Variants in ZNF541 observed in about 807,000 individuals in gnomAD.
ZNF541 encodes the protein zinc finger protein 541.
A neutral mutation model predicts 123.5 loss-of-function variants in ZNF541; 23 were observed. The ratio of observed to expected loss-of-function variants is 0.19; its 90% CI spans 0.13 to 0.26. The LOEUF is 0.26. Among genes scored for constraint, ZNF541 ranks in the 10% least tolerant of loss-of-function variants. ZNF541 has a pLI of 1.00. For synonymous variants in ZNF541, 751 were observed against 754.5 expected (o/e 1.00, Z 0.08); for missense variants, 1,612 against 1,789.9 (o/e 0.90, Z 1.79).
In ZNF541 at chr19:47,521,639, G is replaced by A. The variant is rs371182783; in HGVS notation, c.3727C>T (p.Arg1243Trp). 726 of 1,551,556 alleles carry A rather than the reference G, an allele frequency of 4.7e-4. No homozygotes were observed. The highest frequency in any genetic ancestry group is 4.5e-3 in the Middle Eastern group (27 of 6,012). ...RTEEKVPCSPRERPSHHPTPK... is the reference protein window; with the variant it reads ...RTEEKVPCSPWERPSHHPTPK... The stretch of plus-strand genomic sequence containing the variant: ...GTTGGATGGTGGCTGGGTCTCTCCC[G>A]AGGGCTGCATGGGACCTGCAGAGGG... Residue 1243 changes from arginine (R) to tryptophan (W), a missense_variant, in exon 16 of 17, where the codon CGG (arginine) becomes TGG (tryptophan). Arg to Trp is a moderately radical substitution (Grantham distance 101). Transcript: ENST00000391901. This position sits in a 1 kb window ranked among gnomAD's most constrained non-coding sequence, Gnocchi z 4.2.
chr19:47,522,010 A>C lies in ZNF541; in HGVS notation c.3571-16T>G, dbSNP rs181209626. The C allele has an allele frequency of 1.9e-6, 3 of 1,551,772 alleles. No individual in the cohort carries two copies. In the Admixed American group the frequency reaches 5.9e-5, roughly 30 times the overall value. On this transcript the variant is annotated splice_polypyrimidine_tract_variant and intron_variant, in intron 14 of 16. Coordinates refer to ENST00000391901, the MANE Select transcript of ZNF541 (RefSeq NM_001277075.3). ...TTGTCTGGATCTAGTGAAAGAAAAC[A>C]AGCAGGCTGTGGCTGTGCCACGCGG...
intron 9 of ZNF541, among the ~76,000 whole-genome samples, chr19:47,535,163 C>T (rs1301740437): frequency 6.6e-6 from 1 of 152,122 alleles, no homozygotes; most frequent in African/African-American, 2.4e-5. Context: ...CCATGTTGGC[C>T]AGGCTGGTCT....
intron 4 of ZNF541, 25 bp from the exon 5 acceptor site, chr19:47,546,005 G>A (rs768588794): frequency 4.9e-5 from 70 of 1,442,448 alleles, no homozygotes; most frequent in African/African-American, 1.4e-5. Flanking sequence ...AAGCAGGGGC[G>A]TCACCGGGGC....
At chr19:47,546,250 GTAATC>G in intron 4 of ZNF541, among the ~76,000 whole-genome samples, 1 of 150,730 alleles carries the variant, frequency 6.6e-6, no homozygotes, top group South Asian at 2.1e-4. Flanking sequence ...GCTCATGCCT[GTAATC>G]CCAGCACTTT....
chr19:47,542,072 G>A (rs551657198), intron 5 of ZNF541, among the ~76,000 whole-genome samples: 7 of 152,284 alleles, frequency 4.6e-5, no homozygotes, highest in Middle Eastern at 3.4e-3. Flanking sequence ...CAGCTCTGCC[G>A]TTTGCCACCC....
At chr19:47,568,064 C>G (rs1971335120) in intron 2 of ZNF541, among the ~76,000 whole-genome samples, 1 of 152,186 alleles carries the variant, frequency 6.6e-6, no homozygotes, top group African/African-American at 2.4e-5. Context: ...AAACTTCTCA[C>G]AGTATCTTGC....
At position 47,545,793 on chromosome 19, in the gene ZNF541, C is replaced by T; in HGVS notation, c.736G>A (p.Ala246Thr). The change falls in exon 5 of 17, where the codon GCC (alanine) becomes ACC (threonine). Residue 246 changes from alanine (A) to threonine (T), a missense_variant. Around this residue, in one of 5 missense-constraint regions of ZNF541, gnomAD observed 1,080 missense variants for 1,013.8 expected, o/e 1.07. Transcript: ENST00000391901. This position sits in a 1 kb window ranked among gnomAD's most constrained non-coding sequence, Gnocchi z 7.5. ...AGGCTGCTGGGGGGCGGCTGGCCGG[C>T]CGACTCGTGGGCGTGGGGGGAGTCC... is the stretch of plus-strand genomic sequence containing the variant. Reference protein sequence around the residue: ...CGDSPHAHESAGQPPPSSLRS... With the variant: ...CGDSPHAHESTGQPPPSSLRS... 6.5e-7 allele frequency: 1 copy of T among 1,542,172 alleles called. No homozygotes were observed. Among genetic ancestry groups the T allele is most frequent in the South Asian group, 1.2e-5 (1 of 83,772 alleles).
chr19:47,558,201 G>C (rs1451021226), intron 2 of ZNF541, among the ~76,000 whole-genome samples: 1 of 152,168 alleles, frequency 6.6e-6, no homozygotes, highest in African/African-American at 2.4e-5. Flanking sequence ...CGGATCATGA[G>C]GTCAGGAGAT....
At chr19:47,531,858 G>A in intron 11 of ZNF541, 113 bp from the exon 12 acceptor site, 2 of 1,023,238 alleles carry the variant, frequency 2.0e-6, no homozygotes, top group Non-Finnish European at 1.4e-6. Flanking sequence ...TCTCTCTCCT[G>A]CATCTCAGGG....
At chr19:47,529,728 A>G in intron 12 of ZNF541, 76 bp from the exon 13 acceptor site, 5 of 1,392,086 alleles carry the variant, frequency 3.6e-6, no homozygotes, top group Non-Finnish European at 5.0e-6. Flanking sequence ...CATTCATCTG[A>G]AAAACACTTG....
chr19:47,559,744 C>T (rs574859149), intron 2 of ZNF541, among the ~76,000 whole-genome samples: 2 of 150,218 alleles, frequency 1.3e-5, no homozygotes, highest in Admixed American at 6.7e-5. Context: ...CAGCTACTTG[C>T]GAGGCTGAGG....
chr19:47,569,767 T>C (rs1181224417), intron 2 of ZNF541, among the ~76,000 whole-genome samples: 2 of 151,876 alleles, frequency 1.3e-5, no homozygotes, highest in African/African-American at 4.8e-5. Flanking sequence ...TGGTCCCAGC[T>C]ACTCGGGAGA....
intron 14 of ZNF541, 78 bp from the exon 15 acceptor site, chr19:47,522,072 C>T: frequency 6.5e-7 from 1 of 1,527,590 alleles, no homozygotes; most frequent in African/African-American, 1.4e-5. Flanking sequence ...GGCCGGCCGC[C>T]TCCTTTGGAA....
intron 13 of ZNF541, among the ~76,000 whole-genome samples, chr19:47,529,351 C>T (rs941993267): frequency 2.6e-5 from 4 of 152,176 alleles, no homozygotes; most frequent in African/African-American, 9.7e-5. Context: ...ATTCCCCTTC[C>T]AGCTGGGCAG....
At chr19:47,528,699 AAC>A (rs1969423547) in intron 14 of ZNF541, among the ~76,000 whole-genome samples, 1 of 152,082 alleles carries the variant, frequency 6.6e-6, no homozygotes, top group Non-Finnish European at 1.5e-5. Flanking sequence ...TGGAATAGGT[AAC>A]AGAGGTTGCC....
rs143758973 is a variant in ZNF541, at chr19:47,570,090, C to T, written c.-99+1806G>A. ...GAGATCGAGACCATCCTGGCTAACA[C>T]GGTGAAATCCTGTCTGTACTAAAAA... On this transcript the variant is annotated intron_variant, in intron 2 of 16. Transcript: ENST00000391901. Among the ~76,000 whole-genome samples the T allele has an allele frequency of 7.0e-3, 1,050 of 149,958 alleles. 7 individuals carry two copies. The highest frequency in any genetic ancestry group is 0.024 in the African/African-American group (994 of 40,698).
Position 47,571,765 on chromosome 19 carries a change from C to A in ZNF541, c.-99+131G>T, listed in dbSNP as rs527529721. 2.6e-5 allele frequency among the ~76,000 whole-genome samples: 4 copies of A among 152,296 alleles called. No homozygotes were observed. In the East Asian group the frequency reaches 7.7e-4, roughly 29 times the overall value. On this transcript the variant is annotated intron_variant, in intron 2 of 16. Coordinates refer to ENST00000391901, the MANE Select transcript of ZNF541 (RefSeq NM_001277075.3). ...AATAGCCCTTTTCCCTGTTTGACTT[C>A]TCCAAAGCAGTAACTTGTATGATTA...
intron 8 of ZNF541, 40 bp from the exon 9 acceptor site, chr19:47,538,479 C>T (rs1969930121): frequency 6.9e-7 from 1 of 1,447,230 alleles, no homozygotes; most frequent in East Asian, 2.5e-5. Context: ...CCTGAAGCCA[C>T]CTACTGCACC....
At chr19:47,534,201 T>C (rs1969711200) in intron 9 of ZNF541, among the ~76,000 whole-genome samples, 1 of 151,906 alleles carries the variant, frequency 6.6e-6, no homozygotes, top group African/African-American at 2.4e-5. Flanking sequence ...AAGAAAATAA[T>C]CTGTAAACTT....
Sources: gnomAD v4.1 joint callset for allele counts (sites outside exome capture counted in the v4.1 genomes callset) on GRCh38, gnomAD v4.1.1 for gene constraint, gnomAD v4.1.1 regional missense constraint, Gnocchi (gnomAD v3.1) non-coding constraint, MANE v1.5 for transcripts, NCBI Gene and HGNC (gene_info 2026-07-23, HGNC 2026-07-21) for gene names.